EFL1: variants seen among roughly 807,000 people sequenced by gnomAD.
EFL1 encodes elongation factor-like GTPase 1.
EFL1 carries 76 observed loss-of-function variants against 126.7 expected under a neutral mutation model. The ratio of observed to expected loss-of-function variants is 0.60; its 90% CI spans 0.50 to 0.73. EFL1 has a LOEUF of 0.73. Among genes scored for constraint, EFL1 ranks in the 30% least tolerant of loss-of-function variants. EFL1 has a pLI of 0.00. For missense variants in EFL1, 1,128 were observed against 1,343.2 expected (o/e 0.84, Z 2.50); for synonymous variants, 410 against 448.4 (o/e 0.91, Z 1.08).
At chr15:82,202,643 G>C (rs1486679055) in intron 15 of EFL1, among the ~76,000 whole-genome samples, 2 of 152,174 alleles carry the variant, frequency 1.3e-5, no homozygotes, top group Admixed American at 1.3e-4. Context: ...GAAGATCAGA[G>C]AGGCCTGTTG....
intron 16 of EFL1, among the ~76,000 whole-genome samples, chr15:82,159,006 C>A (rs770408340): frequency 6.6e-6 from 1 of 152,178 alleles, no homozygotes; most frequent in Non-Finnish European, 1.5e-5. Context: ...CCATGCTCTG[C>A]GGATGGATGT....
intron 15 of EFL1, among the ~76,000 whole-genome samples, chr15:82,179,486 A>T (rs573823972): frequency 1.3e-5 from 2 of 152,240 alleles, no homozygotes; most frequent in African/African-American, 4.8e-5. Context: ...TGAGGGTAGC[A>T]TGGGGAAAGG....
At chr15:82,159,060 G>A (rs182425876) in intron 16 of EFL1, among the ~76,000 whole-genome samples, 119 of 152,342 alleles carry the variant, frequency 7.8e-4, no homozygotes, top group Non-Finnish European at 1.2e-3. Context: ...CATATGGAAT[G>A]CAAAGAATCC....
chr15:82,198,140 T>C (rs1210178222), intron 15 of EFL1, among the ~76,000 whole-genome samples: 1 of 152,156 alleles, frequency 6.6e-6, no homozygotes, highest in African/African-American at 2.4e-5. Context: ...GACATTGAAA[T>C]TGCACTCTGT....
rs183912597 is a variant in EFL1, at chr15:82,224,603, T to G, written c.1292+562A>C. Among the ~76,000 whole-genome samples the G allele has an allele frequency of 2.6e-5, 4 of 152,054 alleles. No homozygotes were observed. In the East Asian group the frequency reaches 7.7e-4, roughly 29 times the overall value. On this transcript the variant is annotated intron_variant, in intron 12 of 19. Coordinates refer to ENST00000268206, the MANE Select transcript of EFL1 (RefSeq NM_024580.6). ...TGGGGCAGGAGAACCAGCTAGGAGG[T>G]TGCTGCAACAATATCCACAAGAGAT...
intron 15 of EFL1, among the ~76,000 whole-genome samples, chr15:82,184,925 G>C (rs768801637): frequency 2.0e-5 from 3 of 152,226 alleles, no homozygotes; most frequent in South Asian, 2.1e-4. Flanking sequence ...ACTTAGAGTA[G>C]TGTGAATAGT....
At chr15:82,219,925 G>GA (rs1038342126) in intron 13 of EFL1, 107 bp from the exon 14 acceptor site, 40 of 1,472,102 alleles carry the variant, frequency 2.7e-5, no homozygotes, top group East Asian at 7.0e-5. Context: ...CAAGTTTCAG[G>GA]AAAAAAAAGA....
chr15:82,219,970 T>C (rs549486143), intron 13 of EFL1, 108 bp downstream of exon 13: 3 of 1,497,904 alleles, frequency 2.0e-6, no homozygotes, highest in South Asian at 2.8e-5. Context: ...AGAATATTGA[T>C]AAAAACTACG....
intron 11 of EFL1, 85 bp from the exon 12 acceptor site, chr15:82,225,349 T>C (rs1379579871): frequency 1.9e-6 from 2 of 1,047,890 alleles, no homozygotes; most frequent in Non-Finnish European, 2.7e-6. Context: ...AATTAAAATG[T>C]TTAGAACATG....
At chr15:82,146,710 T>C (rs886341022) in intron 18 of EFL1, among the ~76,000 whole-genome samples, 7 of 151,592 alleles carry the variant, frequency 4.6e-5, no homozygotes, top group Non-Finnish European at 8.8e-5. Flanking sequence ...ATTAAGAAAG[T>C]TGACCAGTGA....
chr15:82,236,188 G>A (rs943272026), intron 7 of EFL1, among the ~76,000 whole-genome samples: 2 of 151,952 alleles, frequency 1.3e-5, no homozygotes, highest in Non-Finnish European at 2.9e-5. Context: ...AAAAGGAGAG[G>A]CATAGTGTTC....
At chr15:82,178,231 C>T (rs2074214726) in intron 15 of EFL1, among the ~76,000 whole-genome samples, 1 of 152,198 alleles carries the variant, frequency 6.6e-6, no homozygotes, top group Non-Finnish European at 1.5e-5. Flanking sequence ...TTTTTCAAGG[C>T]TTCCCAGCCT....
At chr15:82,141,831 C>T (rs2073792248) in intron 18 of EFL1, among the ~76,000 whole-genome samples, 1 of 152,162 alleles carries the variant, frequency 6.6e-6, no homozygotes, top group African/African-American at 2.4e-5. Flanking sequence ...AGCTGCCTGA[C>T]TGCTGCTGCA....
rs755425814 is a variant in EFL1, at chr15:82,241,387, C to G, written c.261G>C (p.Leu87=). ...LHYATGNEEY[L]INLIDSPGHV... ...GTCCTGGAGAGTCTATCAGATTGAT[C>G]AGGTACTCCTCATTACCTAAAATAC... is the stretch of plus-strand genomic sequence containing the variant. Residue 87 remains leucine, a synonymous_variant, in exon 5 of 20, where the codon CTG becomes CTC. Coordinates refer to ENST00000268206, the MANE Select transcript of EFL1 (RefSeq NM_024580.6). The G allele has an allele frequency of 1.2e-5, 19 of 1,613,794 alleles. No homozygotes were observed. Among genetic ancestry groups the G allele is most frequent in the African/African-American group, 2.7e-5 (2 of 74,920 alleles).
intron 4 of EFL1, among the ~76,000 whole-genome samples, chr15:82,248,566 T>C (rs1438446276): frequency 6.6e-6 from 1 of 152,114 alleles, no homozygotes; most frequent in Non-Finnish European, 1.5e-5. Context: ...CAGAGGTATT[T>C]ACAAAGTGAT....
At chr15:82,201,379 T>G (rs2074466271) in intron 15 of EFL1, among the ~76,000 whole-genome samples, 1 of 152,142 alleles carries the variant, frequency 6.6e-6, no homozygotes, top group South Asian at 2.1e-4. Context: ...CTTTCTTCCC[T>G]AAGCAAAGAT....
chr15:82,185,325 G>A (rs1329767538), intron 15 of EFL1, among the ~76,000 whole-genome samples: 2 of 151,714 alleles, frequency 1.3e-5, no homozygotes, highest in Non-Finnish European at 2.9e-5. Context: ...TAAAAATCTA[G>A]ATGGATTAAA....
chr15:82,210,649 G>C (rs1044263601), intron 15 of EFL1, among the ~76,000 whole-genome samples: 1 of 152,058 alleles, frequency 6.6e-6, no homozygotes, highest in African/African-American at 2.4e-5. Context: ...ATCACCTGAG[G>C]TCAGGAGTTC....
In EFL1 at chr15:82,152,184, G is replaced by C. The variant is rs1385464213; in HGVS notation, c.2270C>G (p.Pro757Arg). Residue 757 changes from proline (P) to arginine (R), a missense_variant, in exon 18 of 20, where the codon CCC (proline) becomes CGC (arginine). This residue lies in a region of EFL1 where 561 missense variants were observed against 641.7 expected (regional missense o/e 0.87). Transcript: ENST00000268206. The stretch of plus-strand genomic sequence containing the variant: ...AATCTGGGTGACTTCTTCTGGAAGG[G>C]GCATGGCTCGAACACTGAGCGTGGC... ...KLATLSVRAM[P>R]LPEEVTQILE... is the part of the protein sequence containing the mutation. 1 of 1,614,120 alleles carries C rather than the reference G, an allele frequency of 6.2e-7. No homozygotes were observed. The highest frequency in any genetic ancestry group is 1.7e-5 in the Admixed American group (1 of 60,012).
Sources: gnomAD v4.1 joint callset for allele counts (sites outside exome capture counted in the v4.1 genomes callset) on GRCh38, gnomAD v4.1.1 for gene constraint, gnomAD v4.1.1 regional missense constraint, MANE v1.5 for transcripts, NCBI Gene and HGNC (gene_info 2026-07-23, HGNC 2026-07-21) for gene names.